The following LOXL2 variants were observed in gnomAD, a reference collection of about 807,000 sequenced individuals.
The protein encoded by LOXL2 is lysyl oxidase homolog 2.
A neutral mutation model predicts 93.0 loss-of-function variants in LOXL2; 70 were observed. The ratio of observed to expected loss-of-function variants is 0.75; its 90% CI spans 0.62 to 0.92. The LOEUF (loss-of-function observed/expected upper bound fraction) is 0.92, where lower values mean the gene tolerates loss of function less well. LOXL2 is among the 40% of genes least tolerant of loss of function. LOXL2 has a pLI of 0.00. For missense variants in LOXL2, 973 were observed against 1,054.9 expected (o/e 0.92, Z 1.08); for synonymous variants, 438 against 413.2 (o/e 1.06, Z -0.73).
chr8:23,301,446 G>A (rs1006388989), intron 12 of LOXL2, among the ~76,000 whole-genome samples: 4 of 151,996 alleles, frequency 2.6e-5, no homozygotes, highest in African/African-American at 9.7e-5. Flanking sequence ...CTCTGACAAA[G>A]AAGTCACCTG....
chr8:23,387,924 G>C (rs938409694), intron 1 of LOXL2, among the ~76,000 whole-genome samples: 2 of 152,236 alleles, frequency 1.3e-5, no homozygotes, highest in African/African-American at 4.8e-5. Flanking sequence ...ACTCCAGCCC[G>C]GGCGACAAGA....
At chr8:23,356,073 T>C (rs1262787645) in intron 3 of LOXL2, among the ~76,000 whole-genome samples, 1 of 152,194 alleles carries the variant, frequency 6.6e-6, no homozygotes, top group African/African-American at 2.4e-5. Flanking sequence ...TGAAAGTTCA[T>C]TCCATAATTT....
intron 1 of LOXL2, among the ~76,000 whole-genome samples, chr8:23,389,248 A>G (rs1323937590): frequency 6.6e-6 from 1 of 152,178 alleles, no homozygotes; most frequent in Admixed American, 6.5e-5. Flanking sequence ...TAGCTGAGTC[A>G]GTCTGCCTAG....
At chr8:23,360,481 T>C (rs1056558313) in intron 2 of LOXL2, among the ~76,000 whole-genome samples, 19 of 152,286 alleles carry the variant, frequency 1.2e-4, no homozygotes, top group African/African-American at 4.6e-4. Flanking sequence ...GGGAATGTAG[T>C]AGATTTAACA....
rs775786726 is a variant in LOXL2 at position 23,302,046 on chromosome 8, G to C, written c.2114C>G (p.Pro705Arg). 6.2e-7 allele frequency: 1 copy of C among 1,614,134 alleles called. No homozygotes were observed. The highest frequency in any genetic ancestry group is 1.1e-5 in the South Asian group (1 of 91,066). Residue 705 changes from proline to arginine, a missense_variant, in exon 12 of 14, where the codon CCT (proline) becomes CGT (arginine). Transcript: ENST00000389131. ...CQWVDITDVP[P>R]GDYLFQVVIN... ...CCTCACCTGGAACAGGTAGTCTCCA[G>C]GGGGCACGTCAGTGATGTCAACCCA...
At chr8:23,345,945 G>A (rs1413382575) in intron 3 of LOXL2, among the ~76,000 whole-genome samples, 3 of 151,768 alleles carry the variant, frequency 2.0e-5, no homozygotes, top group Admixed American at 1.3e-4. Context: ...GCGGGCGCCT[G>A]TAGTCCCAGC....
At chr8:23,330,906 C>A (rs1471032510) in intron 5 of LOXL2, among the ~76,000 whole-genome samples, 1 of 152,074 alleles carries the variant, frequency 6.6e-6, no homozygotes, top group Admixed American at 6.5e-5. Flanking sequence ...CCCCTCTGTG[C>A]TCTTCAGAGG....
chr8:23,339,970 G>A (rs879325799), intron 4 of LOXL2, among the ~76,000 whole-genome samples: 4 of 152,206 alleles, frequency 2.6e-5, no homozygotes, highest in Non-Finnish European at 5.9e-5. Flanking sequence ...CAGGGAGCTG[G>A]TGGGTACAGC....
intron 10 of LOXL2, among the ~76,000 whole-genome samples, chr8:23,306,909 T>C (rs143161625): frequency 2.6e-4 from 40 of 152,332 alleles, no homozygotes; most frequent in African/African-American, 9.4e-4. Flanking sequence ...ACAGTGCACA[T>C]GAGACAGAAT....
At position 23,368,904 on chromosome 8, in the gene LOXL2, C is replaced by T. The variant is rs530597983; in HGVS notation, c.-83-470G>A. On this transcript the variant is annotated intron_variant, in intron 1 of 13. Coordinates refer to ENST00000389131, the MANE Select transcript of LOXL2 (RefSeq NM_002318.3). Reference sequence around the variant, plus strand: ...GGGTCTCAGAGCCAACCCATGGCAACGGCGGGGACATGGGAGGGAGAATAA... The same window carrying T: ...GGGTCTCAGAGCCAACCCATGGCAATGGCGGGGACATGGGAGGGAGAATAA... 5.9e-5 allele frequency among the ~76,000 whole-genome samples: 9 copies of T among 152,206 alleles called. No individual in the cohort carries two copies. In the East Asian group the frequency reaches 9.7e-4, roughly 16 times the overall value.
intron 1 of LOXL2, among the ~76,000 whole-genome samples, chr8:23,378,911 C>T (rs1048654178): frequency 6.6e-6 from 1 of 152,136 alleles, no homozygotes. Flanking sequence ...GTAGTTTGAT[C>T]GTCTGAAGCC....
chr8:23,378,747 G>A (rs1197195957), intron 1 of LOXL2, among the ~76,000 whole-genome samples: 2 of 152,190 alleles, frequency 1.3e-5, no homozygotes, highest in Non-Finnish European at 2.9e-5. Context: ...ACTGAAGCTT[G>A]TGCATTCGTC....
chr8:23,393,014 C>T (rs1800030946), intron 1 of LOXL2, among the ~76,000 whole-genome samples: 1 of 152,210 alleles, frequency 6.6e-6, no homozygotes, highest in East Asian at 1.9e-4. Flanking sequence ...GAAATATAAA[C>T]TTTATACCCT....
At chr8:23,402,151 A>C (rs1430256769) in intron 1 of LOXL2, among the ~76,000 whole-genome samples, 2 of 152,200 alleles carry the variant, frequency 1.3e-5, no homozygotes, top group Non-Finnish European at 2.9e-5. Flanking sequence ...TGCACACAGG[A>C]ATACATATGC....
chr8:23,379,678 C>T (rs191952887), intron 1 of LOXL2, among the ~76,000 whole-genome samples: 4,629 of 152,146 alleles, frequency 0.03, 79 homozygotes, highest in Middle Eastern at 0.068. Context: ...CCTTGCAGTT[C>T]GATCTCAGAC....
At chr8:23,299,175 C>G (rs1267917778) in intron 12 of LOXL2, among the ~76,000 whole-genome samples, 1 of 152,222 alleles carries the variant, frequency 6.6e-6, no homozygotes, top group Admixed American at 6.5e-5. Flanking sequence ...CTGTCCATAT[C>G]CGTGTAACAC....
At chr8:23,398,008 A>T (rs1055270788) in intron 1 of LOXL2, among the ~76,000 whole-genome samples, 7 of 150,496 alleles carry the variant, frequency 4.7e-5, no homozygotes, top group Admixed American at 4.6e-4. Context: ...ACTCAATTTT[A>T]TATTTGTAAT....
chr8:23,309,888 C>T lies in LOXL2; in HGVS notation c.1660G>A (p.Ala554Thr). 1 of 1,540,034 alleles carries T rather than the reference C, an allele frequency of 6.5e-7. No homozygotes were observed. Among genetic ancestry groups the T allele is most frequent in the South Asian group, 1.2e-5 (1 of 81,950 alleles). ...TAGGTGGTCTGCTGCACCATCTCCG[C>T]ATTGAGGACCAGGTCAGGGGCGGCT... ...SETAPDLVLN[A>T]EMVQQTTYLE... The change falls in exon 10 of 14, where the codon GCG becomes ACG. Residue 554 changes from alanine (A) to threonine (T), a missense_variant. By Grantham distance (58) the Ala-to-Thr change is moderately conservative. Coordinates refer to ENST00000389131, the MANE Select transcript of LOXL2 (RefSeq NM_002318.3).
intron 13 of LOXL2, 95 bp from the exon 14 acceptor site, chr8:23,298,217 G>A (rs1803071180): frequency 2.3e-6 from 2 of 864,180 alleles, no homozygotes; most frequent in Admixed American, 2.0e-5. Flanking sequence ...GGGGCTGCTG[G>A]GGCCACCTGT....
Sources: gnomAD v4.1 joint callset for allele counts (sites outside exome capture counted in the v4.1 genomes callset) on GRCh38, gnomAD v4.1.1 for gene constraint, MANE v1.5 for transcripts, NCBI Gene and HGNC (gene_info 2026-07-23, HGNC 2026-07-21) for gene names.